The following SPATA16 variants were observed in gnomAD, a reference collection of about 807,000 sequenced individuals.
The protein encoded by SPATA16 is spermatogenesis-associated protein 16.
In SPATA16, 36 loss-of-function variants were observed where a neutral mutation model predicts 63.3. The ratio of observed to expected loss-of-function variants is 0.57; its 90% CI spans 0.44 to 0.75. The LOEUF is 0.75. Among genes scored for constraint, SPATA16 ranks in the 30% least tolerant of loss-of-function variants. The pLI, the probability that SPATA16 is intolerant of heterozygous loss-of-function variation, is 0.00. For missense variants in SPATA16, 646 were observed against 679.3 expected (o/e 0.95, Z 0.54); for synonymous variants, 203 against 216.7 (o/e 0.94, Z 0.56).
At chr3:173,092,515 C>A (rs1432652106) in intron 2 of SPATA16, among the ~76,000 whole-genome samples, 1 of 152,076 alleles carries the variant, frequency 6.6e-6, no homozygotes, top group Non-Finnish European at 1.5e-5. Context: ...CACAAAGTTT[C>A]TTTGAATGTG....
At position 173,105,068 on chromosome 3, in the gene SPATA16, CT is replaced by C. The variant is rs140684451; in HGVS notation, c.612+12051del. On this transcript the variant is annotated intron_variant, in intron 2 of 10. Coordinates refer to ENST00000351008, the MANE Select transcript of SPATA16 (RefSeq NM_031955.6). ...CCTGGATTACAAACAATAAAGTCAG[CT>C]TTTAATTTCAGATGGTGGTCTATTC... is the stretch of plus-strand genomic sequence containing the variant. Among the ~76,000 whole-genome samples the C allele has an allele frequency of 6.1e-3, 935 of 152,296 alleles. 10 individuals carry two copies. The highest frequency in any genetic ancestry group is 0.021 in the African/African-American group (858 of 41,554).
At chr3:172,893,970 A>G (rs1731950170) in intron 10 of SPATA16, among the ~76,000 whole-genome samples, 2 of 152,320 alleles carry the variant, frequency 1.3e-5, no homozygotes, top group African/African-American at 4.8e-5. Context: ...AAGCTTTAAA[A>G]GTTTTTTTAA....
At chr3:172,995,118 G>C (rs1421272342) in intron 4 of SPATA16, among the ~76,000 whole-genome samples, 1 of 151,988 alleles carries the variant, frequency 6.6e-6, no homozygotes, top group African/African-American at 2.4e-5. Flanking sequence ...AAGAAAATGT[G>C]CAATTCTTTT....
chr3:173,024,136 T>C (rs1735399264), intron 3 of SPATA16, among the ~76,000 whole-genome samples: 2 of 151,572 alleles, frequency 1.3e-5, no homozygotes, highest in Admixed American at 6.6e-5. Context: ...CAAACTCTTA[T>C]TGATAGCATA....
chr3:173,111,241 C>A (rs186847333), intron 2 of SPATA16, among the ~76,000 whole-genome samples: 10 of 152,216 alleles, frequency 6.6e-5, no homozygotes, highest in African/African-American at 2.2e-4. Flanking sequence ...GAAACCCTGT[C>A]TCTACTAAAA....
chr3:172,904,730 C>A (rs1287177315), intron 10 of SPATA16, among the ~76,000 whole-genome samples: 1 of 152,200 alleles, frequency 6.6e-6, no homozygotes, highest in Admixed American at 6.6e-5. Flanking sequence ...AGTTTACCAT[C>A]TAGATTTGGA....
chr3:172,915,332 G>T (rs148220807), intron 9 of SPATA16, among the ~76,000 whole-genome samples: 16 of 152,168 alleles, frequency 1.1e-4, no homozygotes, highest in African/African-American at 3.9e-4. Context: ...CATGCTTTTA[G>T]CAGGTTTAGA....
intron 3 of SPATA16, among the ~76,000 whole-genome samples, chr3:173,043,902 C>T (rs1420609816): frequency 4.6e-5 from 7 of 151,992 alleles, no homozygotes; most frequent in South Asian, 2.1e-4. Flanking sequence ...ATTTTGCTTT[C>T]GGCACTTTAA....
intron 6 of SPATA16, among the ~76,000 whole-genome samples, chr3:172,953,309 G>C (rs903459805): frequency 2.8e-4 from 42 of 151,992 alleles, no homozygotes; most frequent in African/African-American, 9.6e-4. Context: ...CTTGTCCTAA[G>C]GGTCCTGGCT....
At chr3:172,898,176 C>T (rs1732047002) in intron 10 of SPATA16, among the ~76,000 whole-genome samples, 1 of 151,872 alleles carries the variant, frequency 6.6e-6, no homozygotes, top group Non-Finnish European at 1.5e-5. Flanking sequence ...ATTTTTGCCT[C>T]TATATTCAAG....
chr3:173,041,712 C>G (rs1424821872), intron 3 of SPATA16, among the ~76,000 whole-genome samples: 1 of 151,658 alleles, frequency 6.6e-6, no homozygotes, highest in Non-Finnish European at 1.5e-5. Flanking sequence ...ATTATTTTAT[C>G]TAATGTTGTT....
At chr3:173,057,172 C>T (rs971786579) in intron 2 of SPATA16, among the ~76,000 whole-genome samples, 1 of 148,814 alleles carries the variant, frequency 6.7e-6, no homozygotes, top group African/African-American at 2.5e-5. Flanking sequence ...AGTGCAGTGG[C>T]GAGATCTTGG....
chr3:173,023,355 A>G (rs1203390200), intron 3 of SPATA16, among the ~76,000 whole-genome samples: 1 of 152,034 alleles, frequency 6.6e-6, no homozygotes, highest in Non-Finnish European at 1.5e-5. Flanking sequence ...TGGGCTTTGT[A>G]GCCCATGCTT....
chr3:172,998,394 C>A (rs1441847175), intron 4 of SPATA16, among the ~76,000 whole-genome samples: 1 of 152,062 alleles, frequency 6.6e-6, no homozygotes, highest in South Asian at 2.1e-4. Flanking sequence ...ATTGGTGTAT[C>A]CTGCAATCAT....
At chr3:173,134,531 C>G (rs1197811845) in intron 1 of SPATA16, among the ~76,000 whole-genome samples, 1 of 152,078 alleles carries the variant, frequency 6.6e-6, no homozygotes, top group Non-Finnish European at 1.5e-5. Context: ...GCAAGGCTGC[C>G]TCGCATGTTT....
intron 3 of SPATA16, among the ~76,000 whole-genome samples, chr3:173,038,796 G>C (rs1428488814): frequency 3.9e-5 from 6 of 152,088 alleles, no homozygotes; most frequent in Admixed American, 6.6e-5. Context: ...ATGTCACAAG[G>C]GTGACATTAA....
chr3:173,044,736 A>C (rs545764), intron 3 of SPATA16, among the ~76,000 whole-genome samples: 19,345 of 151,976 alleles, frequency 0.13, 1,459 homozygotes, highest in Admixed American at 0.17. Context: ...ATTATGACAT[A>C]TTTCCTGAAA....
intron 2 of SPATA16, among the ~76,000 whole-genome samples, chr3:173,055,891 C>T (rs1736210962): frequency 6.6e-6 from 1 of 152,100 alleles, no homozygotes; most frequent in Non-Finnish European, 1.5e-5. Context: ...GAATCTATAA[C>T]TATCTTAAAG....
chr3:173,066,136 T>A (rs1736514882), intron 2 of SPATA16, among the ~76,000 whole-genome samples: 1 of 152,074 alleles, frequency 6.6e-6, no homozygotes, highest in Non-Finnish European at 1.5e-5. Flanking sequence ...TCAGCCACAG[T>A]AAAATAGAGC....
Sources: gnomAD v4.1 joint callset for allele counts (sites outside exome capture counted in the v4.1 genomes callset) on GRCh38, gnomAD v4.1.1 for gene constraint, MANE v1.5 for transcripts, NCBI Gene and HGNC (gene_info 2026-07-23, HGNC 2026-07-21) for gene names.